Variants in CENPN observed in about 807,000 individuals in gnomAD.
CENPN encodes interphase centromere complex protein 32.
CENPN carries 36 observed loss-of-function variants against 48.6 expected under a neutral mutation model. The observed-to-expected ratio is 0.74, with a 90% CI of 0.57 to 0.98. The LOEUF is 0.98. Ranked by LOEUF, CENPN falls within the 50% of genes least tolerant of loss-of-function variation. The pLI is 0.00. For synonymous variants in CENPN, 166 were observed against 135.2 expected (o/e 1.23, Z -1.58); for missense variants, 439 against 399.2 (o/e 1.10, Z -0.85).
rs2602428 is a variant in CENPN at position 81,028,566 on chromosome 16, C to T, written c.938-3C>T. On this transcript the variant is annotated splice_polypyrimidine_tract_variant and splice_region_variant and intron_variant, in intron 10 of 10. Transcript: ENST00000305850. ...TTTCCCTTTTTTTTTTTTTTAATTTCAGGTATTGCAGATGCTCCACTTTCT... is the reference window on the plus strand; with the variant it reads ...TTTCCCTTTTTTTTTTTTTTAATTTTAGGTATTGCAGATGCTCCACTTTCT... The T allele has an allele frequency of 0.76, 1,209,829 of 1,592,444 alleles. 462,530 individuals carry two copies. The highest frequency in any genetic ancestry group is 0.82 in the South Asian group (72,140 of 88,326).
rs1489840752 is a variant in CENPN at position 81,017,228 on chromosome 16, T to C, written c.218-98T>C. On this transcript the variant is annotated intron_variant, in intron 3 of 10. Transcript: ENST00000305850. ...CTGTATAACTCAATTTGTGAATTACTGTTACTTTCCCCAGTTTTAAAGTAT... is the reference window on the plus strand; with the variant it reads ...CTGTATAACTCAATTTGTGAATTACCGTTACTTTCCCCAGTTTTAAAGTAT... 1.4e-5 allele frequency: 11 copies of C among 790,362 alleles called. No individual in the cohort carries two copies. In the Admixed American group the frequency reaches 1.9e-4, roughly 13 times the overall value. 49.0% of individuals were successfully genotyped at this position (790,362 alleles called of 1,614,324 possible).
At chr16:81,031,588 C>G (rs544607891), downstream of CENPN, 3 of 152,230 alleles carry the variant, frequency 2.0e-5, no homozygotes, top group African/African-American at 7.2e-5. Flanking sequence ...GCCACGGATT[C>G]GAGCACAGTT....
intron 1 of CENPN, 130 bp downstream of exon 1, chr16:81,007,407 G>C (rs1009428732): frequency 3.9e-5 from 6 of 152,282 alleles, no homozygotes; most frequent in African/African-American, 1.4e-4. Flanking sequence ...TTGGCGCTGG[G>C]TCTCGGGCTC....
At position 81,029,979 on chromosome 16, in the gene CENPN, C is replaced by T. The variant is rs965898362; in HGVS notation, c.*1328C>T. 3.3e-5 allele frequency among the ~76,000 whole-genome samples: 5 copies of T among 152,156 alleles called. No individual in the cohort carries two copies. The highest frequency in any genetic ancestry group is 7.2e-5 in the African/African-American group (3 of 41,416). On this transcript the variant is annotated 3_prime_UTR_variant, in exon 11 of 11. Coordinates refer to ENST00000305850, the MANE Select transcript of CENPN (RefSeq NM_001100624.3). ...GAGGCCTCACAATCATGGTGGAAGG[C>T]AAATGAGAAGCAAAGTCATGTCTTA... is the stretch of plus-strand genomic sequence containing the variant.
At chr16:81,026,067 A>ATG (rs537056825) in intron 8 of CENPN, among the ~76,000 whole-genome samples, 15,949 of 135,552 alleles carry the variant, frequency 0.12, 931 homozygotes, top group Admixed American at 0.16. Context: ...ATATATATAT[A>ATG]TATGTGTGTG....
chr16:81,013,584 G>T (rs1333288531), intron 2 of CENPN, among the ~76,000 whole-genome samples: 1 of 152,160 alleles, frequency 6.6e-6, no homozygotes, highest in East Asian at 1.9e-4. Flanking sequence ...AGCTAGGCAT[G>T]GTGGTGCACA....
intron 6 of CENPN, 80 bp downstream of exon 6, chr16:81,020,356 G>C: frequency 7.3e-7 from 1 of 1,364,756 alleles, no homozygotes; most frequent in Non-Finnish European, 9.8e-7. Flanking sequence ...TGTTGAATAA[G>C]TATTTGATAG....
At chr16:81,018,325 C>A (rs57830624) in intron 5 of CENPN, among the ~76,000 whole-genome samples, 5,845 of 152,080 alleles carry the variant, frequency 0.038, 382 homozygotes, top group African/African-American at 0.13. Flanking sequence ...AAGCACGCAC[C>A]ACCATGCCCA....
Position 81,028,823 on chromosome 16 carries a change from A to G in CENPN, c.*172A>G, listed in dbSNP as rs1970635137. 1 of 1,387,732 alleles carries G rather than the reference A, an allele frequency of 7.2e-7. No homozygotes were observed. The highest frequency in any genetic ancestry group is 1.5e-5 in the African/African-American group (1 of 67,488). The allele number at this position is 1,387,732 out of a possible 1,614,324, so 86.0% of individuals were successfully genotyped here. On this transcript the variant is annotated 3_prime_UTR_variant, in exon 11 of 11. Transcript: ENST00000305850. ...TGGGACTGATTCATTCCTCCACGAT[A>G]TGCCTCCTCTCTCTGATATCCTGCT...
At chr16:81,018,105 G>A (rs373394048) in intron 5 of CENPN, among the ~76,000 whole-genome samples, 1 of 152,016 alleles carries the variant, frequency 6.6e-6, no homozygotes, top group African/African-American at 2.4e-5. Flanking sequence ...TATTGGCACT[G>A]TTCAGTTCAG....
At chr16:81,015,700 GA>G (rs1207127280) in intron 3 of CENPN, among the ~76,000 whole-genome samples, 3 of 152,122 alleles carry the variant, frequency 2.0e-5, no homozygotes, top group Non-Finnish European at 2.9e-5. Flanking sequence ...CTCATACATT[GA>G]TTCAAAAATT....
At chr16:81,016,789 A>G (rs1969950550) in intron 3 of CENPN, 1 of 152,060 alleles carries the variant, frequency 6.6e-6, no homozygotes, top group Admixed American at 6.6e-5. Flanking sequence ...AAATACACAC[A>G]TACATACATA....
chr16:81,016,459 G>A (rs1417183429), intron 3 of CENPN, among the ~76,000 whole-genome samples: 1 of 152,120 alleles, frequency 6.6e-6, no homozygotes, highest in Non-Finnish European at 1.5e-5. Flanking sequence ...GTGTACAAAT[G>A]AACATCTAAA....
At chr16:81,015,405 C>G (rs1214701146) in intron 3 of CENPN, among the ~76,000 whole-genome samples, 1 of 152,196 alleles carries the variant, frequency 6.6e-6, no homozygotes, top group East Asian at 1.9e-4. Context: ...ATCATTTGAC[C>G]AATCTGTATA....
chr16:81,018,103 C>T (rs1473633004), intron 5 of CENPN, among the ~76,000 whole-genome samples: 1 of 152,114 alleles, frequency 6.6e-6, no homozygotes, highest in African/African-American at 2.4e-5. Context: ...TGTATTGGCA[C>T]TGTTCAGTTC....
At chr16:81,026,240 T>C (rs192745922) in intron 8 of CENPN, among the ~76,000 whole-genome samples, 177 of 150,992 alleles carry the variant, frequency 1.2e-3, no homozygotes, top group African/African-American at 4.1e-3. Context: ...TATGCATCTT[T>C]ATTTTTATTC....
chr16:81,032,414 A>T (rs919804051), downstream of CENPN, among the ~76,000 whole-genome samples: 4 of 152,162 alleles, frequency 2.6e-5, no homozygotes, highest in Admixed American at 2.0e-4. Flanking sequence ...CTCTCCTATG[A>T]AAAAGGGTAT....
intron 4 of CENPN, 37 bp from the exon 5 acceptor site, chr16:81,017,721 C>G (rs750159466): frequency 7.1e-7 from 1 of 1,405,730 alleles, no homozygotes; most frequent in African/African-American, 1.4e-5. Context: ...CATTGTAGCT[C>G]CCTTGATTTT....
intron 2 of CENPN, among the ~76,000 whole-genome samples, chr16:81,013,124 C>G (rs572744074): frequency 9.1e-4 from 138 of 152,212 alleles, no homozygotes; most frequent in Non-Finnish European, 1.5e-3. Context: ...CTGGAAACAA[C>G]CCAAATGTCC....
Sources: gnomAD v4.1 joint callset for allele counts (sites outside exome capture counted in the v4.1 genomes callset) on GRCh38, gnomAD v4.1.1 for gene constraint, MANE v1.5 for transcripts, NCBI Gene and HGNC (gene_info 2026-07-23, HGNC 2026-07-21) for gene names.